Variants in GCFC2 observed in about 807,000 individuals in gnomAD.
The protein encoded by GCFC2 is GC-rich sequence DNA-binding factor 2, also known as intron Large complex component GCFC2.
GCFC2 carries 102 observed loss-of-function variants against 99.4 expected under a neutral mutation model. That is an observed-to-expected ratio of 1.03 (90% CI 0.87 to 1.21). The LOEUF is 1.21. Among genes scored for constraint, GCFC2 ranks in the 50% most tolerant of loss-of-function variants. The probability of loss-of-function intolerance (pLI) is 0.00; values close to 1 mark genes in which losing one functional copy is unlikely to be tolerated. For missense variants in GCFC2, 973 were observed against 920.9 expected (o/e 1.06, Z -0.73); for synonymous variants, 338 against 316.8 (o/e 1.07, Z -0.71).
At chr2:75,668,719 A>G (rs1678959851) in intron 15 of GCFC2, among the ~76,000 whole-genome samples, 1 of 152,148 alleles carries the variant, frequency 6.6e-6, no homozygotes. Context: ...ACTATTTTCT[A>G]TTATAAATAA....
intron 11 of GCFC2, 23 bp downstream of exon 11, chr2:75,687,804 T>A: frequency 6.4e-7 from 1 of 1,569,950 alleles, no homozygotes; most frequent in Non-Finnish European, 8.7e-7. Context: ...TAATTTAATT[T>A]TACCAAGGTT....
chr2:75,672,253 AAAATATATATTTATATATTTAT>A (rs1460727448), intron 13 of GCFC2, among the ~76,000 whole-genome samples: 3 of 129,556 alleles, frequency 2.3e-5, no homozygotes, highest in Non-Finnish European at 4.8e-5. Flanking sequence ...ATATGTTTAT[AAAATATATATTTATATATTTAT>A]AAATATGTTT....
Position 75,706,658 on chromosome 2 carries a change from G to A in GCFC2, c.266-7C>T. On this transcript the variant is annotated splice_region_variant and splice_polypyrimidine_tract_variant and intron_variant, in intron 1 of 16. Transcript: ENST00000321027. ...ACATCAAGGGTTCTGGATTCTAACA[G>A]GACATTTTAAAAATACAACAAAAAA... The A allele has an allele frequency of 6.5e-7, 1 of 1,546,094 alleles. No individual in the cohort carries two copies. The highest frequency in any genetic ancestry group is 8.8e-7 in the Non-Finnish European group (1 of 1,137,092).
intron 2 of GCFC2, among the ~76,000 whole-genome samples, chr2:75,706,120 C>A (rs549797792): frequency 6.6e-6 from 1 of 152,296 alleles, no homozygotes; most frequent in South Asian, 2.1e-4. Flanking sequence ...TTTCCTTAAA[C>A]TCGCAACCAA....
chr2:75,666,494 A>G (rs773786425), intron 15 of GCFC2, among the ~76,000 whole-genome samples: 7 of 152,212 alleles, frequency 4.6e-5, no homozygotes, highest in Non-Finnish European at 8.8e-5. Flanking sequence ...GGTGATTCTA[A>G]GATACAAAGA....
At chr2:75,684,851 G>A (rs7575083) in intron 11 of GCFC2, among the ~76,000 whole-genome samples, 72,272 of 151,512 alleles carry the variant, frequency 0.48, 18,483 homozygotes, top group African/African-American at 0.69. Context: ...TGTGGCACAT[G>A]TACACCATGG....
Position 75,689,150 on chromosome 2 carries a change from A to T in GCFC2, c.1415T>A (p.Leu472Ter). The T allele has an allele frequency of 5.0e-6, 8 of 1,604,692 alleles. No homozygotes were observed. The highest frequency in any genetic ancestry group is 6.8e-6 in the Non-Finnish European group (8 of 1,172,788). The part of the protein sequence containing the change: ...DDFCNIQNIL[L>*]KFQQWREKFP... Reference sequence around the variant, plus strand: ...CTTTTCTCGCCATTGCTGAAATTTCAACAAAATATTCTGGATGTTACAAAA... The same window carrying T: ...CTTTTCTCGCCATTGCTGAAATTTCTACAAAATATTCTGGATGTTACAAAA... The change falls in exon 10 of 17, where the codon TTG becomes TAG. Residue 472 changes from leucine (L) to a stop codon, truncating the protein, a stop_gained. Coordinates refer to ENST00000321027, the MANE Select transcript of GCFC2 (RefSeq NM_003203.5). LOFTEE classifies it high-confidence loss of function.
In GCFC2 at chr2:75,702,226, G is replaced by A. The variant is rs1044270354; in HGVS notation, c.592C>T (p.Leu198Phe). Residue 198 changes from leucine to phenylalanine, a missense_variant, in exon 3 of 17, where the codon CTT becomes TTT. Leu to Phe is a conservative substitution (Grantham distance 22). Transcript: ENST00000321027. Reference sequence around the variant, plus strand: ...GATTCCTCAGCCATCCTTTGTCTAAGTGTTTGAGGTCTTAGAGTAAATGGT... The same window carrying A: ...GATTCCTCAGCCATCCTTTGTCTAAATGTTTGAGGTCTTAGAGTAAATGGT... ...RIPFTLRPQT[L>F]RQRMAEESIS... The A allele has an allele frequency of 1.9e-6, 3 of 1,607,518 alleles. No individual in the cohort carries two copies. The highest frequency in any genetic ancestry group is 1.3e-5 in the African/African-American group (1 of 74,778).
intron 15 of GCFC2, among the ~76,000 whole-genome samples, chr2:75,668,485 G>T (rs1017228202): frequency 1.3e-5 from 2 of 152,136 alleles, no homozygotes; most frequent in African/African-American, 4.8e-5. Flanking sequence ...TTGTTATTGG[G>T]CTGCAAGAAC....
chr2:75,680,298 A>G lies in GCFC2; in HGVS notation c.1707T>C (p.Leu569=). 2 of 1,610,296 alleles carry G rather than the reference A, an allele frequency of 1.2e-6. No homozygotes were observed. The highest frequency in any genetic ancestry group is 1.7e-6 in the Non-Finnish European group (2 of 1,176,910). ...TCTGTGAGGTTGACAAAGGATCCCA[A>G]AGGAATTCTACAAAGTCTGAAACAA... ...IPRLTDFVEF[L]WDPLSTSQTT... The change falls in exon 12 of 17, where the codon CTT becomes CTC. Residue 569 remains leucine (L), a synonymous_variant. Coordinates refer to ENST00000321027, the MANE Select transcript of GCFC2 (RefSeq NM_003203.5).
At chr2:75,696,583 T>C (rs1445705191) in intron 4 of GCFC2, among the ~76,000 whole-genome samples, 1 of 152,218 alleles carries the variant, frequency 6.6e-6, no homozygotes, top group East Asian at 1.9e-4. Flanking sequence ...TCTAATGTAC[T>C]CTCAGAAAGT....
chr2:75,702,749 A>G (rs1680666059), intron 2 of GCFC2, among the ~76,000 whole-genome samples: 1 of 152,170 alleles, frequency 6.6e-6, no homozygotes. Flanking sequence ...GGAAGCTCTG[A>G]GATTGTCAGC....
At position 75,710,624 on chromosome 2, in the gene GCFC2, T is replaced by G; in HGVS notation, c.232A>C (p.Thr78Pro). 6.6e-7 allele frequency: 1 copy of G among 1,515,640 alleles called. No individual in the cohort carries two copies. Among genetic ancestry groups the G allele is most frequent in the Non-Finnish European group, 8.8e-7 (1 of 1,138,852 alleles). 93.9% of individuals were successfully genotyped at this position (1,515,640 alleles called of 1,614,324 possible). ...GRVWASSRRA[T>P]KAAPRADEGS... ...TCGTCCGCGCGGGGAGCCGCTTTGGTGGCACGCCGGGAGCTCGCCCAGACC... is the reference window on the plus strand; with the variant it reads ...TCGTCCGCGCGGGGAGCCGCTTTGGGGGCACGCCGGGAGCTCGCCCAGACC... The change falls in exon 1 of 17, where the codon ACC (threonine) becomes CCC (proline). Residue 78 changes from threonine to proline, a missense_variant. Coordinates refer to ENST00000321027, the MANE Select transcript of GCFC2 (RefSeq NM_003203.5).
At chr2:75,705,527 G>A (rs1160997066) in intron 2 of GCFC2, among the ~76,000 whole-genome samples, 5 of 115,006 alleles carry the variant, frequency 4.3e-5, no homozygotes, top group African/African-American at 1.5e-4. Context: ...TAAGGCAGGA[G>A]AATGACGTGA....
At chr2:75,683,885 A>AATG (rs2104302555) in intron 11 of GCFC2, among the ~76,000 whole-genome samples, 1 of 152,268 alleles carries the variant, frequency 6.6e-6, no homozygotes, top group Non-Finnish European at 1.5e-5. Context: ...GAAGGGTATT[A>AATG]CATAATGGTG....
chr2:75,666,518 T>C (rs529570594), intron 15 of GCFC2, among the ~76,000 whole-genome samples: 34 of 152,260 alleles, frequency 2.2e-4, no homozygotes, highest in Middle Eastern at 3.4e-3. Flanking sequence ...AAAGATAAAT[T>C]AATTATGTTT....
At chr2:75,691,567 T>C (rs1247447645) in intron 7 of GCFC2, among the ~76,000 whole-genome samples, 1 of 150,368 alleles carries the variant, frequency 6.7e-6, no homozygotes, top group Non-Finnish European at 1.5e-5. Flanking sequence ...ACAAAATCAA[T>C]GCGAAAAAAA....
Position 75,664,653 on chromosome 2 carries a change from CA to C in GCFC2, c.*12del. 1 of 1,139,994 alleles carries C rather than the reference CA, an allele frequency of 8.8e-7. No individual in the cohort carries two copies. The highest frequency in any genetic ancestry group is 1.3e-6 in the Non-Finnish European group (1 of 765,262). The allele number at this position is 1,139,994 out of a possible 1,614,324, so 70.6% of individuals were successfully genotyped here. A position where few individuals can be genotyped will look rare whatever the true frequency, so the allele number is the denominator to read the frequency against. ...ACTATATTAAAATTTTAGCATTTTC[CA>C]ATAAAGTTTATTCAATCTTCTTTAA... On this transcript the variant is annotated 3_prime_UTR_variant, in exon 17 of 17. Transcript: ENST00000321027.
At chr2:75,711,960 G>C (rs1681206284), upstream of GCFC2, among the ~76,000 whole-genome samples, 1 of 152,254 alleles carries the variant, frequency 6.6e-6, no homozygotes, top group Non-Finnish European at 1.5e-5. Flanking sequence ...AGGAGTACGA[G>C]CGCACGGCGC....
Sources: gnomAD v4.1 joint callset for allele counts (sites outside exome capture counted in the v4.1 genomes callset) on GRCh38, gnomAD v4.1.1 for gene constraint, MANE v1.5 for transcripts, NCBI Gene and HGNC (gene_info 2026-07-23, HGNC 2026-07-21) for gene names.